The following PFKFB3 variants were observed in gnomAD, a reference collection of about 807,000 sequenced individuals.
PFKFB3 encodes the protein 6-phosphofructo-2-kinase/fructose-2,6-bisphosphatase 3.
Under a neutral mutation model 68.0 loss-of-function variants are expected in PFKFB3, and 33 were observed. The ratio of observed to expected loss-of-function variants is 0.49; its 90% CI spans 0.37 to 0.65. The LOEUF (loss-of-function observed/expected upper bound fraction) is 0.65. Among genes scored for constraint, PFKFB3 ranks in the 30% least tolerant of loss-of-function variants. The pLI is 0.00. For synonymous variants in PFKFB3, 315 were observed against 288.2 expected, an observed-to-expected ratio of 1.09 and a Z score of -0.94; for missense variants, 586 against 712.2, an observed-to-expected ratio of 0.82 and a Z score of 2.02.
the PFKFB3 span, among the ~76,000 whole-genome samples, chr10:6,302,381 T>G: frequency 0.02 from 2,443 of 119,464 alleles, 220 homozygotes; most frequent in Middle Eastern, 0.078. Flanking sequence ...TTTTTTTTTT[T>G]TTTTTTTTTT....
At chr10:6,310,838 A>G in the PFKFB3 span, among the ~76,000 whole-genome samples, 1 of 152,238 alleles carries the variant, frequency 6.6e-6, no homozygotes, top group South Asian at 2.1e-4. Flanking sequence ...AAAATAAGAA[A>G]GAGATAAGTG....
chr10:6,231,397 C>A, intron 14 of PFKFB3: 2 of 1,594,082 alleles, frequency 1.3e-6, no homozygotes, highest in Non-Finnish European at 1.7e-6. Flanking sequence ...TCGTGCAATG[C>A]GGGGCTCATC....
chr10:6,207,847 G>T (rs899516535), intron 1 of PFKFB3, among the ~76,000 whole-genome samples: 3 of 152,152 alleles, frequency 2.0e-5, no homozygotes, highest in African/African-American at 7.2e-5. Context: ...TGGTCAAGAA[G>T]TACCTTTTTG....
chr10:6,271,138 C>T, the PFKFB3 span, among the ~76,000 whole-genome samples: 4 of 152,212 alleles, frequency 2.6e-5, no homozygotes, highest in Non-Finnish European at 5.9e-5. Flanking sequence ...AACCTAGTTT[C>T]AAGTGCCAAG....
chr10:6,306,715 A>T, the PFKFB3 span, among the ~76,000 whole-genome samples: 1 of 152,220 alleles, frequency 6.6e-6, no homozygotes, highest in African/African-American at 2.4e-5. Context: ...TCCCCCATGG[A>T]AGGCCGTGTC....
upstream of PFKFB3, among the ~76,000 whole-genome samples, chr10:6,199,847 G>A (rs1204625731): frequency 6.6e-6 from 1 of 151,432 alleles, no homozygotes; most frequent in African/African-American, 2.4e-5. Flanking sequence ...TCTACTCACG[G>A]AAGGTCCTTC....
At chr10:6,145,704 G>A (rs1841365446) in intron 1 of PFKFB3, among the ~76,000 whole-genome samples, 1 of 152,226 alleles carries the variant, frequency 6.6e-6, no homozygotes, top group Non-Finnish European at 1.5e-5. Context: ...AGATGGCTAG[G>A]GACGGCCGCG....
chr10:6,267,809 G>C, the PFKFB3 span, among the ~76,000 whole-genome samples: 1 of 151,922 alleles, frequency 6.6e-6, no homozygotes, highest in East Asian at 1.9e-4. Flanking sequence ...ACAAAAATTA[G>C]CCAGGCATGG....
At chr10:6,276,838 T>TTGTGTG in the PFKFB3 span, among the ~76,000 whole-genome samples, 9,073 of 147,002 alleles carry the variant, frequency 0.062, 496 homozygotes, top group African/African-American at 0.15. Context: ...TTATATGTAT[T>TTGTGTG]TGTGTGTGTG....
At chr10:6,270,955 A>G in the PFKFB3 span, among the ~76,000 whole-genome samples, 15 of 152,348 alleles carry the variant, frequency 9.8e-5, 2 homozygotes, top group Admixed American at 6.5e-4. Flanking sequence ...AGACATTTTT[A>G]TTCATTTCAT....
the PFKFB3 span, among the ~76,000 whole-genome samples, chr10:6,297,633 C>T: frequency 0.033 from 4,972 of 152,134 alleles, 256 homozygotes; most frequent in African/African-American, 0.11. Flanking sequence ...ACGTGGAGGA[C>T]GTTTCTGAGC....
chr10:6,270,314 A>G, the PFKFB3 span, among the ~76,000 whole-genome samples: 235 of 152,202 alleles, frequency 1.5e-3, no homozygotes, highest in African/African-American at 5.4e-3. Context: ...TCTTTTTCCC[A>G]TTTCATATGA....
At chr10:6,180,679 G>T (rs575461338) in intron 1 of PFKFB3, among the ~76,000 whole-genome samples, 1 of 152,220 alleles carries the variant, frequency 6.6e-6, no homozygotes, top group African/African-American at 2.4e-5. Context: ...TGTCCAGGCT[G>T]GTCTCAAACC....
intron 1 of PFKFB3, among the ~76,000 whole-genome samples, chr10:6,170,767 T>C (rs1842285495): frequency 6.6e-6 from 1 of 151,970 alleles, no homozygotes; most frequent in African/African-American, 2.4e-5. Flanking sequence ...GGAAAGCTGC[T>C]GGGGGCTGTG....
Position 6,233,743 on chromosome 10 carries a change from G to T in PFKFB3, c.*801G>T, listed in dbSNP as rs1350957914. The T allele has an allele frequency of 1.3e-5, 2 of 152,930 alleles. No homozygotes were observed. The highest frequency in any genetic ancestry group is 2.9e-5 in the Non-Finnish European group (2 of 68,110). The allele number at this position is 152,930 out of a possible 1,614,324, so 9.5% of individuals were successfully genotyped here. ...TGAGAAACACTTTCCTGGAGCTGCT[G>T]GCTTTTGCACTTTTTTGATGGCAGA... On this transcript the variant is annotated 3_prime_UTR_variant, in exon 15 of 15. Coordinates refer to ENST00000379775, the MANE Select transcript of PFKFB3 (RefSeq NM_004566.4).
chr10:6,151,151 A>G (rs1444181588), intron 1 of PFKFB3, among the ~76,000 whole-genome samples: 1 of 152,054 alleles, frequency 6.6e-6, no homozygotes, highest in East Asian at 1.9e-4. Context: ...ACACCATCCC[A>G]CTTACCGTAG....
the PFKFB3 span, among the ~76,000 whole-genome samples, chr10:6,312,927 A>AGACCAG: frequency 2.0e-5 from 3 of 151,846 alleles, no homozygotes; most frequent in Non-Finnish European, 4.4e-5. Flanking sequence ...TGACTGGAAA[A>AGACCAG]GAAACAGAAC....
chr10:6,232,847 G>T, intron 14 of PFKFB3, 48 bp from the exon 15 acceptor site: 1 of 1,482,332 alleles, frequency 6.7e-7, no homozygotes, highest in South Asian at 1.1e-5. Flanking sequence ...AATTCAGCCA[G>T]CTACAAATCC....
downstream of PFKFB3, among the ~76,000 whole-genome samples, chr10:6,235,802 T>C (rs1845995484): frequency 1.3e-5 from 2 of 151,292 alleles, no homozygotes; most frequent in South Asian, 4.2e-4. Flanking sequence ...TTTCTCACTC[T>C]GTCGCCCAGG....
Sources: allele counts gnomAD v4.1 joint callset (sites outside exome capture counted in the v4.1 genomes callset), GRCh38; gene constraint gnomAD v4.1.1; transcripts MANE v1.5; gene names NCBI Gene and HGNC (gene_info 2026-07-23, HGNC 2026-07-21).